The following GPHN variants were observed in gnomAD, a reference collection of about 807,000 sequenced individuals.
GPHN encodes gephyrin.
GPHN carries 17 observed loss-of-function variants against 95.5 expected under a neutral mutation model. That is an observed-to-expected ratio of 0.18 (90% confidence interval 0.12 to 0.27). The LOEUF (loss-of-function observed/expected upper bound fraction) is 0.27, where lower values mean the gene tolerates loss of function less well. GPHN is among the 10% of genes least tolerant of loss of function. GPHN has a pLI of 1.00. For synonymous variants in GPHN, 320 were observed against 322.5 expected (o/e 0.99, Z 0.08); for missense variants, 660 against 978.1 (o/e 0.67, Z 4.34).
chr14:67,467,293 TTCAGAAGGCACCA>T, the GPHN span: 4 of 152,168 alleles, frequency 2.6e-5, no homozygotes, highest in Admixed American at 2.0e-4. Context: ...TATCTGGGTT[TTCAGAAGGCACCA>T]GCAGAAGGTT....
the GPHN span, among the ~76,000 whole-genome samples, chr14:67,643,997 A>T: frequency 1.3e-5 from 2 of 151,914 alleles, no homozygotes; most frequent in African/African-American, 2.4e-5. Flanking sequence ...TAGTCTCTGG[A>T]AATTTATTAA....
At chr14:67,513,521 A>G in the GPHN span, among the ~76,000 whole-genome samples, 2 of 152,200 alleles carry the variant, frequency 1.3e-5, no homozygotes, top group East Asian at 3.9e-4. Context: ...TCCCCACCCA[A>G]CGCCTGCCAT....
the GPHN span, among the ~76,000 whole-genome samples, chr14:67,463,238 G>C: frequency 1.3e-5 from 2 of 152,154 alleles, no homozygotes; most frequent in African/African-American, 4.8e-5. Flanking sequence ...GGGCAATATA[G>C]TGAGACCTCA....
At chr14:67,515,648 G>A in the GPHN span, among the ~76,000 whole-genome samples, 3 of 152,134 alleles carry the variant, frequency 2.0e-5, no homozygotes, top group African/African-American at 7.2e-5. Context: ...AGGTGGCTGC[G>A]GTGCAGGGCT....
At chr14:66,925,343 C>T (rs1429772392) in intron 8 of GPHN, among the ~76,000 whole-genome samples, 1 of 152,118 alleles carries the variant, frequency 6.6e-6, no homozygotes, top group Non-Finnish European at 1.5e-5. Context: ...TGTAATCACC[C>T]TGTTGTGCTA....
chr14:66,842,625 T>C (rs902824594), intron 4 of GPHN: 4 of 1,374,590 alleles, frequency 2.9e-6, no homozygotes, highest in Non-Finnish European at 4.0e-6. Context: ...TTGACCTGCT[T>C]TCCTCAAACT....
the GPHN span, among the ~76,000 whole-genome samples, chr14:67,486,552 C>T: frequency 1.3e-5 from 2 of 152,154 alleles, no homozygotes; most frequent in South Asian, 2.1e-4. Context: ...GGATTACAGG[C>T]GTGAGCCACA....
At chr14:67,320,240 C>T in the GPHN span, 10 of 1,606,466 alleles carry the variant, frequency 6.2e-6, no homozygotes, top group Middle Eastern at 1.7e-4. Context: ...ATTATGACAA[C>T]GAGGAGATCT....
intron 10 of GPHN, among the ~76,000 whole-genome samples, chr14:67,026,803 C>T (rs920190256): frequency 7.9e-5 from 12 of 152,124 alleles, no homozygotes; most frequent in Non-Finnish European, 1.0e-4. Context: ...CCACCTCGCC[C>T]GGCTAATTTT....
chr14:66,599,904 C>T (rs186724920), intron 1 of GPHN, among the ~76,000 whole-genome samples: 17 of 151,904 alleles, frequency 1.1e-4, no homozygotes, highest in Non-Finnish European at 2.1e-4. Context: ...TCTATGTAAA[C>T]GTTAAAATTT....
At chr14:67,227,995 C>T in the GPHN span, among the ~76,000 whole-genome samples, 2 of 151,874 alleles carry the variant, frequency 1.3e-5, no homozygotes, top group African/African-American at 4.8e-5. Context: ...CATGGTGAAA[C>T]CTCATCTCTA....
the GPHN span, among the ~76,000 whole-genome samples, chr14:67,396,766 G>T: frequency 6.6e-6 from 1 of 152,238 alleles, no homozygotes; most frequent in Admixed American, 6.5e-5. Context: ...GTTTTCTGCA[G>T]CTCCTGATAG....
chr14:67,692,731 ATAGG>A, the GPHN span: 3 of 1,029,866 alleles, frequency 2.9e-6, no homozygotes, highest in East Asian at 5.1e-5. Flanking sequence ...TGATTAGCAA[ATAGG>A]TAAAGAAAAA....
chr14:67,190,458 A>G, the GPHN span, among the ~76,000 whole-genome samples: 15 of 150,976 alleles, frequency 9.9e-5, no homozygotes, highest in Non-Finnish European at 1.8e-4. Flanking sequence ...CCTGACCTCA[A>G]GAGATCCACC....
intron 1 of GPHN, among the ~76,000 whole-genome samples, chr14:66,524,443 G>A (rs2058606335): frequency 1.3e-5 from 2 of 152,082 alleles, no homozygotes; most frequent in South Asian, 4.1e-4. Context: ...CAAATTTAGA[G>A]CATTGCCAAA....
chr14:67,712,840 TG>T, the GPHN span, among the ~76,000 whole-genome samples: 1 of 151,962 alleles, frequency 6.6e-6, no homozygotes, highest in Non-Finnish European at 1.5e-5. Flanking sequence ...AGCAAAAAGG[TG>T]GCCTTGTTAT....
intron 21 of GPHN, among the ~76,000 whole-genome samples, chr14:67,171,483 A>T (rs1240051153): frequency 6.6e-5 from 10 of 152,140 alleles, no homozygotes; most frequent in Non-Finnish European, 1.3e-4. Context: ...GTGTTTCCTT[A>T]ATATCCCATT....
intron 1 of GPHN, among the ~76,000 whole-genome samples, chr14:66,647,080 T>TA (rs1208005777): frequency 2.7e-5 from 2 of 73,666 alleles, no homozygotes; most frequent in Non-Finnish European, 2.0e-5. Context: ...TTTTTTAATA[T>TA]TTTTTTTTAA....
chr14:66,858,282 G>C lies in GPHN; in HGVS notation c.295-21657G>C, dbSNP rs138337986. ...GAGACCCCATGCTTCTGCTTGAGGA[G>C]AGGGAACAGTAAAGGGGACTTTGTC... is the stretch of plus-strand genomic sequence containing the variant. On this transcript the variant is annotated intron_variant, in intron 4 of 22. Transcript: ENST00000478722. Among the ~76,000 whole-genome samples the C allele has an allele frequency of 2.1e-3, 316 of 151,836 alleles. 1 individual carries two copies. The highest frequency in any genetic ancestry group is 3.6e-3 in the Non-Finnish European group (246 of 67,944).
Sources: allele counts gnomAD v4.1 joint callset (sites outside exome capture counted in the v4.1 genomes callset), GRCh38; gene constraint gnomAD v4.1.1; transcripts MANE v1.5; gene names NCBI Gene and HGNC (gene_info 2026-07-23, HGNC 2026-07-21).